The following TBK1 variants were observed in gnomAD, a reference collection of about 807,000 sequenced individuals.
The protein encoded by TBK1 is serine/threonine-protein kinase TBK1.
A neutral mutation model predicts 99.9 loss-of-function variants in TBK1; 37 were observed. The ratio of observed to expected loss-of-function variants is 0.37; its 90% CI spans 0.28 to 0.49. The LOEUF (loss-of-function observed/expected upper bound fraction) is 0.49. TBK1 is among the 20% of genes least tolerant of loss of function. The pLI is 0.98. For missense variants in TBK1, 644 were observed against 872.5 expected, an observed-to-expected ratio of 0.74 and a Z score of 3.30; for synonymous variants, 258 against 279.8, an observed-to-expected ratio of 0.92 and a Z score of 0.78.
chr12:64,478,929 C>T (rs915270599), intron 6 of TBK1, among the ~76,000 whole-genome samples: 1 of 152,168 alleles, frequency 6.6e-6, no homozygotes, highest in South Asian at 2.1e-4. Context: ...ATAAAGGAAA[C>T]ATGTGACTCA....
intron 5 of TBK1, among the ~76,000 whole-genome samples, chr12:64,470,507 T>C (rs1006869015): frequency 6.6e-6 from 1 of 152,188 alleles, no homozygotes; most frequent in African/African-American, 2.4e-5. Flanking sequence ...TTTTCCAAAG[T>C]AGTGAACAAT....
chr12:64,459,299 G>C (rs540363496), intron 2 of TBK1, among the ~76,000 whole-genome samples: 63 of 152,330 alleles, frequency 4.1e-4, no homozygotes, highest in African/African-American at 1.4e-3. Flanking sequence ...TTGCTCATTA[G>C]AGTGATTGGA....
At chr12:64,484,053 G>A in intron 8 of TBK1, 1 of 239,788 alleles carries the variant, frequency 4.2e-6, no homozygotes. Context: ...ACACACAGAG[G>A]AAAGAAAATA....
At chr12:64,469,009 C>G (rs1263568030) in intron 5 of TBK1, among the ~76,000 whole-genome samples, 1 of 152,050 alleles carries the variant, frequency 6.6e-6, no homozygotes, top group African/African-American at 2.4e-5. Context: ...CTGCATCAGT[C>G]TAGCCTCCTC....
intron 13 of TBK1, among the ~76,000 whole-genome samples, chr12:64,491,449 C>T (rs1344448565): frequency 6.6e-6 from 1 of 151,888 alleles, no homozygotes; most frequent in Non-Finnish European, 1.5e-5. Context: ...GATGAAACCC[C>T]ATCTCTACAA....
At chr12:64,481,334 C>T (rs570957138) in intron 7 of TBK1, among the ~76,000 whole-genome samples, 1 of 152,124 alleles carries the variant, frequency 6.6e-6, no homozygotes, top group Non-Finnish European at 1.5e-5. Flanking sequence ...TCGAATCAGT[C>T]TTTAGCATAC....
intron 20 of TBK1, among the ~76,000 whole-genome samples, chr12:64,500,692 T>C (rs1284067837): frequency 6.6e-6 from 1 of 151,908 alleles, no homozygotes; most frequent in East Asian, 1.9e-4. Context: ...AATAACATTG[T>C]GTTCTAGCAA....
At chr12:64,483,696 G>T (rs1236203498) in intron 8 of TBK1, among the ~76,000 whole-genome samples, 16 of 152,094 alleles carry the variant, frequency 1.1e-4, no homozygotes, top group Admixed American at 1.0e-3. Context: ...TGCTATGTTG[G>T]TTCTCTATTT....
intron 12 of TBK1, among the ~76,000 whole-genome samples, chr12:64,489,824 C>T (rs1348807340): frequency 2.0e-5 from 3 of 151,528 alleles, no homozygotes; most frequent in Non-Finnish European, 4.4e-5. Flanking sequence ...GATCTTCCCA[C>T]CTTGACCTCC....
At chr12:64,471,770 C>G (rs927598716) in intron 5 of TBK1, among the ~76,000 whole-genome samples, 2 of 152,136 alleles carry the variant, frequency 1.3e-5, no homozygotes, top group Admixed American at 6.5e-5. Context: ...CCAGTAACAC[C>G]AAGCCAGTAA....
chr12:64,471,265 T>G (rs1195755958), intron 5 of TBK1, among the ~76,000 whole-genome samples: 1 of 151,100 alleles, frequency 6.6e-6, no homozygotes, highest in Non-Finnish European at 1.5e-5. Context: ...ACCTCCCAGG[T>G]TCAGGTGATT....
intron 9 of TBK1, among the ~76,000 whole-genome samples, chr12:64,484,749 C>G (rs1335600319): frequency 3.9e-5 from 6 of 151,902 alleles, no homozygotes; most frequent in Non-Finnish European, 7.4e-5. Flanking sequence ...GGGACCCTGT[C>G]TCAAAAACAA....
intron 4 of TBK1, 26 bp from the exon 5 acceptor site, chr12:64,466,875 A>T: frequency 6.6e-7 from 1 of 1,515,982 alleles, no homozygotes; most frequent in Non-Finnish European, 8.9e-7. Flanking sequence ...CTACATTATG[A>T]CTTCTTTTGT....
chr12:64,466,780 T>C, intron 4 of TBK1, 121 bp from the exon 5 acceptor site: 1 of 609,262 alleles, frequency 1.6e-6, no homozygotes, highest in African/African-American at 1.9e-5. Flanking sequence ...GTAAAATTAC[T>C]TTGAACCAAA....
intron 3 of TBK1, among the ~76,000 whole-genome samples, chr12:64,463,779 A>T (rs114115957): frequency 0.04 from 6,031 of 151,810 alleles, 399 homozygotes; most frequent in African/African-American, 0.14. Context: ...TGTAGTTCAG[A>T]TTTAGCTACT....
chr12:64,497,084 G>T, intron 17 of TBK1, 34 bp downstream of exon 17: 2 of 1,588,676 alleles, frequency 1.3e-6, no homozygotes, highest in South Asian at 2.2e-5. Flanking sequence ...ATTAGTGGTT[G>T]ACTGCACAAT....
At chr12:64,499,438 C>A (rs906967678) in intron 20 of TBK1, among the ~76,000 whole-genome samples, 3 of 151,966 alleles carry the variant, frequency 2.0e-5, no homozygotes, top group Admixed American at 2.0e-4. Context: ...TTTAAACATT[C>A]GCCAATTTGT....
At chr12:64,457,206 G>A (rs2040499198) in intron 2 of TBK1, among the ~76,000 whole-genome samples, 1 of 152,132 alleles carries the variant, frequency 6.6e-6, no homozygotes, top group African/African-American at 2.4e-5. Context: ...GCGTACATGG[G>A]GGAGGGGCTG....
At chr12:64,490,535 G>T (rs562175996) in intron 13 of TBK1, among the ~76,000 whole-genome samples, 1 of 151,960 alleles carries the variant, frequency 6.6e-6, no homozygotes, top group African/African-American at 2.4e-5. Context: ...CTCTCTCTCG[G>T]TGTTTAAATC....
Sources: allele counts gnomAD v4.1 joint callset (sites outside exome capture counted in the v4.1 genomes callset), GRCh38; gene constraint gnomAD v4.1.1; transcripts MANE v1.5; gene names NCBI Gene and HGNC (gene_info 2026-07-23, HGNC 2026-07-21).